The following NTM variants were observed in gnomAD, a reference collection of about 807,000 sequenced individuals.
NTM encodes the protein IgLON family member 2.
NTM carries 13 observed loss-of-function variants against 42.1 expected under a neutral mutation model. The ratio of observed to expected loss-of-function variants is 0.31; its 90% CI spans 0.20 to 0.49. The LOEUF is 0.49. NTM is among the 20% of genes least tolerant of loss of function. NTM has a pLI of 0.99. For missense variants in NTM, 373 were observed against 452.8 expected, an observed-to-expected ratio of 0.82 and a Z score of 1.60; for synonymous variants, 187 against 179.2, an observed-to-expected ratio of 1.04 and a Z score of -0.35.
At chr11:131,602,655 T>C (rs1047132850) in intron 1 of NTM, among the ~76,000 whole-genome samples, 3 of 152,204 alleles carry the variant, frequency 2.0e-5, no homozygotes, top group Non-Finnish European at 4.4e-5. Context: ...AGCCCAAACA[T>C]CTCTGAGTTC....
chr11:132,045,527 T>A (rs556140991), intron 2 of NTM, among the ~76,000 whole-genome samples: 1 of 152,200 alleles, frequency 6.6e-6, no homozygotes, highest in Admixed American at 6.5e-5. Flanking sequence ...TGGTCTTCCA[T>A]GCAAGTATTT....
intron 1 of NTM, among the ~76,000 whole-genome samples, chr11:131,445,839 G>T (rs1950016200): frequency 1.3e-5 from 2 of 152,140 alleles, no homozygotes; most frequent in Non-Finnish European, 2.9e-5. Flanking sequence ...CCGGTCAAAT[G>T]CAGCCTGCCA....
chr11:131,943,129 C>T (rs1387269173), intron 2 of NTM, among the ~76,000 whole-genome samples: 1 of 152,150 alleles, frequency 6.6e-6, no homozygotes, highest in Admixed American at 6.5e-5. Context: ...CTGGCCTCTT[C>T]TCACCTCCCC....
chr11:131,998,848 A>G (rs73586653), intron 2 of NTM, among the ~76,000 whole-genome samples: 2,971 of 152,240 alleles, frequency 0.02, 109 homozygotes, highest in African/African-American at 0.068. Context: ...CCCACTGGTT[A>G]TGCCTGGCAG....
chr11:131,468,295 C>A (rs188813577), intron 1 of NTM, among the ~76,000 whole-genome samples: 1 of 152,230 alleles, frequency 6.6e-6, no homozygotes, highest in Non-Finnish European at 1.5e-5. Context: ...ATCCTCAGGA[C>A]GTGATTCCGC....
intron 2 of NTM, among the ~76,000 whole-genome samples, chr11:132,104,933 A>ATG (rs1555263237): frequency 6.8e-5 from 1 of 14,642 alleles, no homozygotes; most frequent in Non-Finnish European, 1.3e-4. Context: ...CCATATATAC[A>ATG]TATGTATATA....
chr11:131,972,390 A>G (rs2063688616), intron 2 of NTM, among the ~76,000 whole-genome samples: 1 of 150,578 alleles, frequency 6.6e-6, no homozygotes, highest in Non-Finnish European at 1.5e-5. Context: ...AAGAAAACAA[A>G]TAATAATTTC....
chr11:132,177,785 C>T (rs2077031465), intron 3 of NTM, among the ~76,000 whole-genome samples: 1 of 152,210 alleles, frequency 6.6e-6, no homozygotes, highest in Non-Finnish European at 1.5e-5. Flanking sequence ...ACTGAAGGAT[C>T]AGGATCTTCA....
intron 6 of NTM, 80 bp from the exon 7 acceptor site, chr11:132,314,472 G>C (rs2095370117): frequency 6.8e-7 from 1 of 1,466,842 alleles, no homozygotes; most frequent in Non-Finnish European, 9.1e-7. Context: ...GAGAAGACCA[G>C]GAATCCCTGG....
rs74845759 is a variant in NTM, at chr11:131,658,602, G to A, written c.83-252962G>A. Among the ~76,000 whole-genome samples the A allele has an allele frequency of 3.4e-3, 514 of 152,358 alleles. 4 individuals carry two copies. Among genetic ancestry groups the A allele is most frequent in the African/African-American group, 0.012 (490 of 41,572 alleles). On this transcript the variant is annotated intron_variant, in intron 1 of 8. Coordinates refer to ENST00000683400, the MANE Select transcript of NTM (RefSeq NM_001352005.2). ...GACCTCTCTTTCCTCCCCCGACTTA[G>A]AGGTTCCTGGTCTGCGGAGAAACTT...
intron 3 of NTM, among the ~76,000 whole-genome samples, chr11:132,186,111 C>T (rs2078353997): frequency 6.6e-6 from 1 of 152,160 alleles, no homozygotes; most frequent in Non-Finnish European, 1.5e-5. Flanking sequence ...CACTTGATTC[C>T]AAGTTTGCTA....
intron 3 of NTM, among the ~76,000 whole-genome samples, chr11:132,158,986 G>A (rs1032147320): frequency 1.7e-4 from 26 of 152,252 alleles, no homozygotes; most frequent in African/African-American, 6.0e-4. Flanking sequence ...CACCCCCAGG[G>A]TGTGGGTTTC....
At chr11:131,627,636 A>G (rs78654478) in intron 1 of NTM, among the ~76,000 whole-genome samples, 1 of 152,192 alleles carries the variant, frequency 6.6e-6, no homozygotes, top group East Asian at 1.9e-4. Flanking sequence ...GTTTGAGACC[A>G]GCTAGGCAAC....
At chr11:131,995,524 G>C (rs774782819) in intron 2 of NTM, among the ~76,000 whole-genome samples, 2 of 152,114 alleles carry the variant, frequency 1.3e-5, no homozygotes, top group African/African-American at 4.8e-5. Context: ...AGTCAGCCAG[G>C]CAAAGTTGTA....
intron 1 of NTM, among the ~76,000 whole-genome samples, chr11:131,866,411 A>T (rs1014487935): frequency 6.6e-6 from 1 of 152,266 alleles, no homozygotes; most frequent in Non-Finnish European, 1.5e-5. Flanking sequence ...TTGGGGCCAG[A>T]AGCCTGGAAC....
chr11:131,540,691 G>T (rs1182817761), intron 1 of NTM: 2 of 152,172 alleles, frequency 1.3e-5, no homozygotes, highest in Non-Finnish European at 2.9e-5. Flanking sequence ...AAGACTTAAA[G>T]GTGTATCACT....
chr11:131,727,456 G>A lies in NTM; in HGVS notation c.83-184108G>A, dbSNP rs555460145. On this transcript the variant is annotated intron_variant, in intron 1 of 8. Transcript: ENST00000683400. ...TGGGTTTTCAATTAAAAGGGAGCCT[G>A]CTTGTGAACTTGTGAGAGCCGCTTC... is the stretch of plus-strand genomic sequence containing the variant. Among the ~76,000 whole-genome samples the A allele has an allele frequency of 3.3e-5, 5 of 152,296 alleles. No individual in the cohort carries two copies. The South Asian group carries it at 6.2e-4, about 19-fold the overall frequency.
At chr11:131,614,121 G>A (rs901539847) in intron 1 of NTM, among the ~76,000 whole-genome samples, 1 of 152,310 alleles carries the variant, frequency 6.6e-6, no homozygotes, top group East Asian at 1.9e-4. Context: ...GGGGCGATGG[G>A]CTACCGACAG....
intron 1 of NTM, among the ~76,000 whole-genome samples, chr11:131,486,306 G>A (rs879265933): frequency 6.6e-6 from 1 of 152,186 alleles, no homozygotes; most frequent in Non-Finnish European, 1.5e-5. Context: ...GAAAGGCACT[G>A]AAGTCCCAGT....
Sources: gnomAD v4.1 joint callset for allele counts (sites outside exome capture counted in the v4.1 genomes callset) on GRCh38, gnomAD v4.1.1 for gene constraint, MANE v1.5 for transcripts, NCBI Gene and HGNC (gene_info 2026-07-23, HGNC 2026-07-21) for gene names.